ARFGEF1: variants seen among roughly 807,000 people sequenced by gnomAD.
ARFGEF1 encodes brefeldin A-inhibited guanine nucleotide-exchange protein 1.
Under a neutral mutation model 231.0 loss-of-function variants are expected in ARFGEF1, and 42 were observed. The observed-to-expected ratio is 0.18, with a 90% CI of 0.14 to 0.24. The LOEUF is 0.24. ARFGEF1 is among the 10% of genes least tolerant of loss of function. The pLI is 1.00. For missense variants in ARFGEF1, 1,345 were observed against 2,192.0 expected, an observed-to-expected ratio of 0.61 and a Z score of 7.72; for synonymous variants, 710 against 732.3, an observed-to-expected ratio of 0.97 and a Z score of 0.49.
At chr8:67,236,212 A>T (rs1363278735) in intron 22 of ARFGEF1, among the ~76,000 whole-genome samples, 4 of 149,376 alleles carry the variant, frequency 2.7e-5, no homozygotes, top group Non-Finnish European at 4.5e-5. Flanking sequence ...CAGCTACTCA[A>T]AAGGCTGAGG....
At position 67,240,148 on chromosome 8, in the gene ARFGEF1, A is replaced by G. The variant is rs1839887176; in HGVS notation, c.2979+14T>C. ...ATGTTCCAAACTGGCTACAAAGACA[A>G]AATTCTCTGTTACCTGAATGCTGAA... On this transcript the variant is annotated intron_variant, in intron 20 of 38. Coordinates refer to ENST00000262215, the MANE Select transcript of ARFGEF1 (RefSeq NM_006421.5). 6.2e-7 allele frequency: 1 copy of G among 1,606,172 alleles called. No individual in the cohort carries two copies. Among genetic ancestry groups the G allele is most frequent in the Non-Finnish European group, 8.5e-7 (1 of 1,178,220 alleles).
chr8:67,312,048 G>T (rs278922), intron 1 of ARFGEF1, among the ~76,000 whole-genome samples: 20 of 152,026 alleles, frequency 1.3e-4, no homozygotes, highest in South Asian at 4.2e-4. Context: ...AGCATGCTCG[G>T]TAAGAGTCAT....
intron 3 of ARFGEF1, among the ~76,000 whole-genome samples, chr8:67,299,952 G>A (rs1806403538): frequency 1.3e-5 from 2 of 151,990 alleles, no homozygotes; most frequent in South Asian, 4.2e-4. Context: ...GTAGGTGACA[G>A]TGAGACCTTG....
intron 1 of ARFGEF1, among the ~76,000 whole-genome samples, chr8:67,304,921 T>G (rs1806668187): frequency 6.6e-6 from 1 of 152,104 alleles, no homozygotes; most frequent in African/African-American, 2.4e-5. Flanking sequence ...TTTAAAAAAA[T>G]TATCATTATT....
rs756434225 is a variant in ARFGEF1, at chr8:67,240,241, C to G, written c.2900G>C (p.Cys967Ser). The G allele has an allele frequency of 2.5e-6, 4 of 1,612,954 alleles. No individual in the cohort carries two copies. Among genetic ancestry groups the G allele is most frequent in the Non-Finnish European group, 2.5e-6 (3 of 1,179,682 alleles). Residue 967 changes from cysteine to serine, a missense_variant, in exon 20 of 39, where the codon TGT becomes TCT. Cys to Ser is a moderately radical substitution (Grantham distance 112, BLOSUM62 -1). Transcript: ENST00000262215. The part of the protein sequence containing the change: ...LAAFSVGLQD[C>S]DDTEVASLCL... ...AAGAGAGGCTACTTCAGTATCATCA[C>G]AATCTTGTAGACCCACACTGAATGC...
intron 1 of ARFGEF1, among the ~76,000 whole-genome samples, chr8:67,341,591 T>C (rs1045898097): frequency 2.0e-5 from 3 of 152,102 alleles, no homozygotes; most frequent in Admixed American, 2.0e-4. Flanking sequence ...AGCAAGCCCC[T>C]GTCTCAAAAA....
At chr8:67,321,698 G>A (rs1051701092) in intron 1 of ARFGEF1, among the ~76,000 whole-genome samples, 1 of 151,516 alleles carries the variant, frequency 6.6e-6, no homozygotes, top group Non-Finnish European at 1.5e-5. Flanking sequence ...CTGACTTCGT[G>A]ATCCGCCCGC....
At chr8:67,220,897 CTTTTTTT>C (rs60939328) in intron 29 of ARFGEF1, among the ~76,000 whole-genome samples, 1 of 140,274 alleles carries the variant, frequency 7.1e-6, no homozygotes, top group Admixed American at 7.2e-5. Flanking sequence ...TTTTCCTTTT[CTTTTTTT>C]TTTTTTTTAA....
At chr8:67,177,748 T>A (rs1832032999) in intron 5 of ARFGEF1, 1 of 1,584,890 alleles carries the variant, frequency 6.3e-7, no homozygotes, top group East Asian at 2.2e-5. Context: ...GTTACAATTT[T>A]TCAAGTTAGT....
chr8:67,207,514 G>T (rs1393494497), intron 34 of ARFGEF1, among the ~76,000 whole-genome samples: 2 of 152,144 alleles, frequency 1.3e-5, no homozygotes, highest in Admixed American at 1.3e-4. Context: ...ATATCTATTT[G>T]GACAAATTTC....
At chr8:67,239,682 CT>C (rs1164788128) in intron 20 of ARFGEF1, among the ~76,000 whole-genome samples, 1 of 152,012 alleles carries the variant, frequency 6.6e-6, no homozygotes, top group Middle Eastern at 3.2e-3. Context: ...ATGAATTTTT[CT>C]TTTTTTAAAA....
At chr8:67,213,033 T>G (rs1838806010) in intron 33 of ARFGEF1, among the ~76,000 whole-genome samples, 1 of 152,198 alleles carries the variant, frequency 6.6e-6, no homozygotes, top group Admixed American at 6.5e-5. Context: ...TAAATGAGGA[T>G]AATTTTTGGG....
chr8:67,218,199 AAAAAAAAAATATAT>A (rs1338359268), intron 30 of ARFGEF1, 61 bp from the exon 31 acceptor site: 1 of 190,988 alleles, frequency 5.2e-6, no homozygotes, highest in African/African-American at 6.7e-5. Context: ...ATTAAAAAAA[AAAAAAAAAATATAT>A]ATATATATAT....
chr8:67,317,509 C>A (rs758349363), intron 1 of ARFGEF1, among the ~76,000 whole-genome samples: 2 of 149,768 alleles, frequency 1.3e-5, no homozygotes, highest in Admixed American at 6.7e-5. Flanking sequence ...TGAATATAGA[C>A]GCAAAAATCA....
At chr8:67,278,567 G>A (rs1341521904) in intron 7 of ARFGEF1, among the ~76,000 whole-genome samples, 2 of 152,138 alleles carry the variant, frequency 1.3e-5, no homozygotes, top group Non-Finnish European at 2.9e-5. Flanking sequence ...AACTGGATAG[G>A]CTGGGTGCAG....
downstream of ARFGEF1, chr8:67,195,443 A>G: frequency 6.2e-7 from 1 of 1,614,226 alleles, no homozygotes; most frequent in Non-Finnish European, 8.5e-7. Context: ...ATGACGGATC[A>G]AACTCTGTAG....
rs1344696458 is a variant in ARFGEF1 at position 67,198,063 on chromosome 8, T to G, written c.*871A>C. The G allele has an allele frequency of 1.0e-6, 1 of 985,752 alleles. No individual in the cohort carries two copies. Among genetic ancestry groups the G allele is most frequent in the Admixed American group, 6.1e-5 (1 of 16,264 alleles). 61.1% of individuals were successfully genotyped at this position (985,752 alleles called of 1,614,324 possible). On this transcript the variant is annotated 3_prime_UTR_variant, in exon 39 of 39. Transcript: ENST00000262215. Reference sequence around the variant, plus strand: ...TTGCAGTGATTCAAGTTTTGGTCCATAAAGGATCATTCTATTTTAATGGCT... The same window carrying G: ...TTGCAGTGATTCAAGTTTTGGTCCAGAAAGGATCATTCTATTTTAATGGCT...
chr8:67,189,980 A>G (rs1440350444), intron 5 of ARFGEF1, among the ~76,000 whole-genome samples: 3 of 152,192 alleles, frequency 2.0e-5, no homozygotes, highest in East Asian at 3.8e-4. Flanking sequence ...GATGTGGGGA[A>G]ATTGGAACCC....
At chr8:67,309,551 AG>A (rs1806898560) in intron 1 of ARFGEF1, among the ~76,000 whole-genome samples, 2 of 152,188 alleles carry the variant, frequency 1.3e-5, no homozygotes, top group Admixed American at 1.3e-4. Context: ...ATATAACATC[AG>A]GGGCAGAAAG....
Sources: allele counts gnomAD v4.1 joint callset (sites outside exome capture counted in the v4.1 genomes callset), GRCh38; gene constraint gnomAD v4.1.1; transcripts MANE v1.5; gene names NCBI Gene and HGNC (gene_info 2026-07-23, HGNC 2026-07-21).